LHFPL4: variants seen among roughly 807,000 people sequenced by gnomAD.
The protein encoded by LHFPL4 is LHFPL tetraspan subfamily member 4, also known as LHFPL tetraspan subfamily member 4 protein.
In LHFPL4, 6 loss-of-function variants were observed where a neutral mutation model predicts 20.0. The ratio of observed to expected loss-of-function variants is 0.30; its 90% CI spans 0.16 to 0.59. The LOEUF is 0.59. Ranked by LOEUF, LHFPL4 falls within the 20% of genes least tolerant of loss-of-function variation. The pLI, the probability that LHFPL4 is intolerant of heterozygous loss-of-function variation, is 0.88. For missense variants in LHFPL4, 215 were observed against 331.2 expected (o/e 0.65, Z 2.72); for synonymous variants, 129 against 143.8 (o/e 0.90, Z 0.74).
At chr3:9,504,697 T>C (rs145623584) in intron 3 of LHFPL4, among the ~76,000 whole-genome samples, 3,320 of 151,732 alleles carry the variant, frequency 0.022, 129 homozygotes, top group African/African-American at 0.076. Flanking sequence ...TGGTGGCGGG[T>C]GCCTGTAGTC....
intron 2 of LHFPL4, among the ~76,000 whole-genome samples, chr3:9,548,403 C>T (rs368849192): frequency 3.9e-4 from 59 of 152,278 alleles, no homozygotes; most frequent in African/African-American, 1.3e-3. Context: ...ATTCCTTCCT[C>T]TCCTCTCCTC....
chr3:9,509,468 T>A (rs1201709644), intron 2 of LHFPL4, among the ~76,000 whole-genome samples: 1 of 152,140 alleles, frequency 6.6e-6, no homozygotes, highest in East Asian at 1.9e-4. Flanking sequence ...GCATGCCCAC[T>A]ATGTGCCAGG....
At chr3:9,544,817 T>C (rs894968213) in intron 2 of LHFPL4, among the ~76,000 whole-genome samples, 2 of 152,258 alleles carry the variant, frequency 1.3e-5, no homozygotes, top group African/African-American at 4.8e-5. Flanking sequence ...TCCTCTTTCC[T>C]ACCCATCCTT....
chr3:9,548,157 C>T (rs766238796), intron 2 of LHFPL4, among the ~76,000 whole-genome samples: 3 of 152,196 alleles, frequency 2.0e-5, no homozygotes, highest in Non-Finnish European at 4.4e-5. Flanking sequence ...GGCTCCACCA[C>T]TTACCAACTG....
chr3:9,506,117 T>TCCCCGTCTTG lies in LHFPL4; in HGVS notation c.483_492dup (p.Lys165GlnfsTer69). On this transcript the variant is annotated frameshift_variant, in exon 3 of 4. Transcript: ENST00000287585. LOFTEE classifies it high-confidence loss of function. The surrounding 1 kb of genome is among the most constrained non-coding windows in gnomAD (Gnocchi z 4.5). ...ACTGAACAGTCCCCCAGGGAGTACTTCCCCGTCTTGGCCCCACACATGTCC... is the reference window on the plus strand; with the variant it reads ...ACTGAACAGTCCCCCAGGGAGTACTTCCCCGTCTTGCCCCGTCTTGGCCCCACACATGTCC... 1 of 1,614,004 alleles carries TCCCCGTCTTG rather than the reference T, an allele frequency of 6.2e-7. No individual in the cohort carries two copies. The highest frequency in any genetic ancestry group is 8.5e-7 in the Non-Finnish European group (1 of 1,180,002).
At position 9,518,925 on chromosome 3, in the gene LHFPL4, G is replaced by GTTTATTTA. The variant is rs111239616; in HGVS notation, c.407-12730_407-12723dup. Among the ~76,000 whole-genome samples, 743 of 145,134 alleles carry GTTTATTTA rather than the reference G, an allele frequency of 5.1e-3. 8 individuals carry two copies. Among genetic ancestry groups the GTTTATTTA allele is most frequent in the Middle Eastern group, 0.01 (3 of 286 alleles). ...TGCACCACCACATTGGCTAATTTTT[G>GTTTATTTA]TTTATTTATTTATTTATTTATTTAT... On this transcript the variant is annotated intron_variant, in intron 2 of 3. Transcript: ENST00000287585.
chr3:9,544,541 C>T (rs1457363470), intron 2 of LHFPL4, among the ~76,000 whole-genome samples: 3 of 152,094 alleles, frequency 2.0e-5, no homozygotes, highest in Admixed American at 6.6e-5. Flanking sequence ...AGGAGAATTG[C>T]GTGAACCCGG....
Position 9,535,270 on chromosome 3 carries a change from T to A in LHFPL4, c.406+17004A>T, listed in dbSNP as rs958282982. ...CCATGCCAGGCACTATAATAAGTAC[T>A]TTACACATGCTAGTTCATTTAATCT... On this transcript the variant is annotated intron_variant, in intron 2 of 3. Coordinates refer to ENST00000287585, the MANE Select transcript of LHFPL4 (RefSeq NM_198560.3). 6.6e-5 allele frequency among the ~76,000 whole-genome samples: 10 copies of A among 152,340 alleles called. No individual in the cohort carries two copies. In the South Asian group the frequency reaches 1.9e-3, roughly 28 times the overall value.
Position 9,523,399 on chromosome 3 carries a change from A to T in LHFPL4, c.407-17196T>A, listed in dbSNP as rs537510983. Among the ~76,000 whole-genome samples the T allele has an allele frequency of 3.8e-4, 27 of 71,876 alleles. No homozygotes were observed. The South Asian group carries it at 0.011, about 30-fold the overall frequency. The allele number at this position is 71,876 out of a possible 152,430, so 47.2% of individuals were successfully genotyped here. A position where few individuals can be genotyped will look rare whatever the true frequency, so the allele number is the denominator to read the frequency against. On this transcript the variant is annotated intron_variant, in intron 2 of 3. Transcript: ENST00000287585. ...TCGTCTCAAAAAAAGAAAAAGAAAA[A>T]AAAAAAGAAAAAGAAAAAGAAAAGT... is the stretch of plus-strand genomic sequence containing the variant.
At chr3:9,510,114 C>T (rs2046247414) in intron 2 of LHFPL4, among the ~76,000 whole-genome samples, 1 of 152,168 alleles carries the variant, frequency 6.6e-6, no homozygotes, top group Non-Finnish European at 1.5e-5. Flanking sequence ...GTGGCCTCTA[C>T]CCACCAGATG....
intron 2 of LHFPL4, chr3:9,551,178 C>T (rs1310916534): frequency 6.6e-6 from 1 of 152,198 alleles, no homozygotes; most frequent in African/African-American, 2.4e-5. Flanking sequence ...GATATAATGC[C>T]TCCTCCAGGG....
chr3:9,504,341 G>C (rs913343271), intron 3 of LHFPL4, among the ~76,000 whole-genome samples: 6 of 149,048 alleles, frequency 4.0e-5, no homozygotes, highest in African/African-American at 7.5e-5. Flanking sequence ...CCGTGCCACT[G>C]CACTCCACCC....
chr3:9,503,556 G>T (rs76729664), intron 3 of LHFPL4, among the ~76,000 whole-genome samples: 385 of 152,274 alleles, frequency 2.5e-3, no homozygotes, highest in South Asian at 0.016. Flanking sequence ...GTTGAGACAG[G>T]GGGGAAGAGC....
intron 2 of LHFPL4, among the ~76,000 whole-genome samples, chr3:9,538,395 G>A (rs2046456591): frequency 6.6e-6 from 1 of 152,156 alleles, no homozygotes; most frequent in South Asian, 2.1e-4. Context: ...TCTCCCAACT[G>A]TTCCCACTTT....
intron 2 of LHFPL4, among the ~76,000 whole-genome samples, chr3:9,512,921 G>C (rs2046270551): frequency 6.6e-6 from 1 of 152,080 alleles, no homozygotes; most frequent in Non-Finnish European, 1.5e-5. Context: ...TACCAGCTCT[G>C]GACTGCCTCA....
At chr3:9,526,630 T>C (rs776399953) in intron 2 of LHFPL4, among the ~76,000 whole-genome samples, 6 of 152,210 alleles carry the variant, frequency 3.9e-5, no homozygotes, top group Admixed American at 6.5e-5. Flanking sequence ...GTGAATGTGA[T>C]CTCATTTGGA....
At chr3:9,511,111 G>A (rs779422919) in intron 2 of LHFPL4, among the ~76,000 whole-genome samples, 50 of 151,574 alleles carry the variant, frequency 3.3e-4, no homozygotes, top group South Asian at 1.0e-3. Flanking sequence ...CAGGACTTTG[G>A]GAGGCCGAGG....
chr3:9,523,587 C>A (rs1358994551), intron 2 of LHFPL4, among the ~76,000 whole-genome samples: 1 of 151,526 alleles, frequency 6.6e-6, no homozygotes, highest in African/African-American at 2.4e-5. Context: ...ATTCTCCTGC[C>A]CCAGCCTCCC....
At chr3:9,523,573 A>G (rs1313743436) in intron 2 of LHFPL4, among the ~76,000 whole-genome samples, 2 of 151,314 alleles carry the variant, frequency 1.3e-5, no homozygotes, top group Non-Finnish European at 2.9e-5. Context: ...CCCTGGCTCA[A>G]GCAATTCTCC....
Sources: allele counts gnomAD v4.1 joint callset (sites outside exome capture counted in the v4.1 genomes callset), GRCh38; gene constraint gnomAD v4.1.1; non-coding constraint Gnocchi (gnomAD v3.1); transcripts MANE v1.5; gene names NCBI Gene and HGNC (gene_info 2026-07-23, HGNC 2026-07-21).